EEF1E1: variants seen among roughly 807,000 people sequenced by gnomAD.
EEF1E1 encodes the protein eukaryotic translation elongation factor 1 epsilon 1.
Under a neutral mutation model 19.9 loss-of-function variants are expected in EEF1E1, and 19 were observed. The observed-to-expected ratio is 0.95, with a 90% confidence interval of 0.66 to 1.40. The LOEUF is 1.40. Ranked by LOEUF, EEF1E1 falls within the 40% of genes most tolerant of loss-of-function variation. EEF1E1 has a pLI of 0.00. For missense variants in EEF1E1, 198 were observed against 202.2 expected (o/e 0.98, Z 0.13); for synonymous variants, 81 against 80.0 (o/e 1.01, Z -0.07).
rs1487105721 is a variant in EEF1E1 at position 8,099,786 on chromosome 6, ACAC to A, written c.88-2322_88-2320del. 1.6e-3 allele frequency among the ~76,000 whole-genome samples: 211 copies of A among 132,068 alleles called. 10 individuals are homozygous for A. The highest frequency in any genetic ancestry group is 6.0e-3 in the South Asian group (24 of 4,002). The allele number at this position is 132,068 out of a possible 152,430, so 86.6% of individuals were successfully genotyped here. A position where few individuals can be genotyped will look rare whatever the true frequency, so the allele number is the denominator to read the frequency against. ...CACACACACACACACACACACACACACACACAAAAAAAAAACAGAACCCTCTAT... is the reference window on the plus strand; with the variant it reads ...CACACACACACACACACACACACACAACAAAAAAAAAACAGAACCCTCTAT... On this transcript the variant is annotated intron_variant, in intron 1 of 3. Coordinates refer to ENST00000379715, the MANE Select transcript of EEF1E1 (RefSeq NM_004280.5).
intron 3 of EEF1E1, among the ~76,000 whole-genome samples, chr6:8,085,032 C>T (rs933329102): frequency 1.3e-5 from 2 of 152,306 alleles, no homozygotes; most frequent in Non-Finnish European, 2.9e-5. Context: ...AATCAATGTA[C>T]TTCAGCTCCA....
chr6:8,084,235 G>C (rs1397877328), intron 3 of EEF1E1, among the ~76,000 whole-genome samples: 1 of 152,144 alleles, frequency 6.6e-6, no homozygotes, highest in African/African-American at 2.4e-5. Flanking sequence ...TATTATTAAT[G>C]TAACCCTAAC....
chr6:8,099,789 CACA>C (rs1202789883), intron 1 of EEF1E1, among the ~76,000 whole-genome samples: 3 of 89,518 alleles, frequency 3.4e-5, no homozygotes, highest in Non-Finnish European at 7.1e-5. Context: ...CACACACACA[CACA>C]AAAAAAAAAC....
intron 2 of EEF1E1, among the ~76,000 whole-genome samples, chr6:8,091,156 G>C (rs1024795852): frequency 3.3e-5 from 5 of 152,112 alleles, no homozygotes; most frequent in African/African-American, 1.2e-4. Context: ...ATGCACAAGG[G>C]TTACAATTTC....
At position 8,092,868 on chromosome 6, in the gene EEF1E1, G is replaced by GTTTTTTTTTTTTTTTT. The variant is rs1554099258; in HGVS notation, c.289-2588_289-2587insAAAAAAAAAAAAAAAA. Among the ~76,000 whole-genome samples, 7 of 108,134 alleles carry GTTTTTTTTTTTTTTTT rather than the reference G, an allele frequency of 6.5e-5. 2 individuals are homozygous for GTTTTTTTTTTTTTTTT. Among genetic ancestry groups the GTTTTTTTTTTTTTTTT allele is most frequent in the African/African-American group, 1.1e-4 (3 of 26,730 alleles). 70.9% of individuals were successfully genotyped at this position (108,134 alleles called of 152,430 possible). On this transcript the variant is annotated intron_variant, in intron 2 of 3. Coordinates refer to ENST00000379715, the MANE Select transcript of EEF1E1 (RefSeq NM_004280.5). ...GTTTTGTGTTTTAGTGATAAAGACT[G>GTTTTTTTTTTTTTTTT]CTTTTTTTTTTTTTTTTTTTTTTTG...
downstream of EEF1E1, among the ~76,000 whole-genome samples, chr6:8,078,305 C>T (rs1757645842): frequency 6.7e-6 from 1 of 149,934 alleles, no homozygotes; most frequent in South Asian, 2.1e-4. Context: ...GAGGGAAGCC[C>T]AAGGAAAAGG....
downstream of EEF1E1, among the ~76,000 whole-genome samples, chr6:8,076,607 G>A (rs1757597471): frequency 6.6e-6 from 1 of 151,786 alleles, no homozygotes; most frequent in African/African-American, 2.4e-5. Flanking sequence ...ACAGGCATGA[G>A]CCACCACGCC....
intron 3 of EEF1E1, among the ~76,000 whole-genome samples, chr6:8,089,799 T>TGG (rs200561996): frequency 0.011 from 1,605 of 152,162 alleles, 34 homozygotes; most frequent in African/African-American, 0.036. Context: ...GGTAGGAATA[T>TGG]GGGGCCCAGG....
At chr6:8,073,826 C>T (rs79124679) in intron 3 of EEF1E1, among the ~76,000 whole-genome samples, 4 of 152,242 alleles carry the variant, frequency 2.6e-5, no homozygotes, top group Non-Finnish European at 5.9e-5. Flanking sequence ...TCATTTGGCA[C>T]TCAGAAGGCA....
chr6:8,079,846 T>C lies in EEF1E1; in HGVS notation c.*44A>G. On this transcript the variant is annotated 3_prime_UTR_variant, in exon 4 of 4. Coordinates refer to ENST00000379715, the MANE Select transcript of EEF1E1 (RefSeq NM_004280.5). ...CCTGTGGTCTAGAGTACATTTTCCA[T>C]TTAAAACATTTTTAATAGATCTTCT... 1 of 1,585,366 alleles carries C rather than the reference T, an allele frequency of 6.3e-7. No individual in the cohort carries two copies. Among genetic ancestry groups the C allele is most frequent in the Non-Finnish European group, 8.6e-7 (1 of 1,163,630 alleles).
rs1026143495 is a variant in EEF1E1 at position 8,079,832 on chromosome 6, G to C, written c.*58C>G. ...TAATTTACATTAGTCCTGTGGTCTA[G>C]AGTACATTTTCCATTTAAAACATTT... is the stretch of plus-strand genomic sequence containing the variant. On this transcript the variant is annotated 3_prime_UTR_variant, in exon 4 of 4. Coordinates refer to ENST00000379715, the MANE Select transcript of EEF1E1 (RefSeq NM_004280.5). The C allele has an allele frequency of 6.4e-7, 1 of 1,569,710 alleles. No individual in the cohort carries two copies. Among genetic ancestry groups the C allele is most frequent in the African/African-American group, 1.4e-5 (1 of 73,940 alleles).
At chr6:8,099,640 G>A (rs1294471203) in intron 1 of EEF1E1, among the ~76,000 whole-genome samples, 1 of 151,850 alleles carries the variant, frequency 6.6e-6, no homozygotes, top group South Asian at 2.1e-4. Flanking sequence ...CCTGCTACAC[G>A]GGAGGCTGAG....
chr6:8,090,292 G>A lies in EEF1E1; in HGVS notation c.289-11C>T, dbSNP rs1374529782. 3.5e-6 allele frequency: 5 copies of A among 1,444,498 alleles called. No individual in the cohort carries two copies. The highest frequency in any genetic ancestry group is 5.6e-5 in the Admixed American group (2 of 35,898). 89.5% of individuals were successfully genotyped at this position (1,444,498 alleles called of 1,614,324 possible). On this transcript the variant is annotated splice_polypyrimidine_tract_variant and intron_variant, in intron 2 of 3. Coordinates refer to ENST00000379715, the MANE Select transcript of EEF1E1 (RefSeq NM_004280.5). Reference sequence around the variant, plus strand: ...ATATGAATTAAGATCCTAGAAAAAAGAAAAAACAAATAAATATTAATGTAA... The same window carrying A: ...ATATGAATTAAGATCCTAGAAAAAAAAAAAAACAAATAAATATTAATGTAA...
chr6:8,093,722 T>C (rs534477964), intron 2 of EEF1E1, among the ~76,000 whole-genome samples: 3 of 151,934 alleles, frequency 2.0e-5, no homozygotes, highest in Non-Finnish European at 4.4e-5. Flanking sequence ...TACATGTAAG[T>C]GAATTTTTAA....
Position 8,079,760 on chromosome 6 carries a change from A to C in EEF1E1, c.*130T>G, listed in dbSNP as rs1039990387. ...ATAAAACATTCAGACACAAGTTTAC[A>C]CTTCAAAAATTCTATCAACTTCAAC... On this transcript the variant is annotated 3_prime_UTR_variant, in exon 4 of 4. Coordinates refer to ENST00000379715, the MANE Select transcript of EEF1E1 (RefSeq NM_004280.5). 1 of 1,340,270 alleles carries C rather than the reference A, an allele frequency of 7.5e-7. No homozygotes were observed. Among genetic ancestry groups the C allele is most frequent in the African/African-American group, 1.5e-5 (1 of 68,938 alleles). 83.0% of individuals were successfully genotyped at this position (1,340,270 alleles called of 1,614,324 possible).
At chr6:8,078,722 CA>C (rs911339865), downstream of EEF1E1, 27 of 1,285,572 alleles carry the variant, frequency 2.1e-5, no homozygotes, top group Non-Finnish European at 2.4e-5. Context: ...TTCTTATAAA[CA>C]AAACAATCAT....
chr6:8,073,526 A>C, intron 3 of EEF1E1: 5 of 1,551,586 alleles, frequency 3.2e-6, no homozygotes, highest in Non-Finnish European at 4.4e-6. Flanking sequence ...AAAGGGGATA[A>C]AAAAGGAGTT....
chr6:8,093,307 T>C (rs1397995615), intron 2 of EEF1E1, among the ~76,000 whole-genome samples: 2 of 149,980 alleles, frequency 1.3e-5, no homozygotes, highest in African/African-American at 4.9e-5. Flanking sequence ...GAACTAATTA[T>C]GTCTGACATT....
downstream of EEF1E1, among the ~76,000 whole-genome samples, chr6:8,077,887 G>A (rs1031438652): frequency 6.6e-6 from 1 of 152,166 alleles, no homozygotes; most frequent in African/African-American, 2.4e-5. Flanking sequence ...AACCTCCCAG[G>A]CTCAGGTGAT....
Sources: allele counts gnomAD v4.1 joint callset (sites outside exome capture counted in the v4.1 genomes callset), GRCh38; gene constraint gnomAD v4.1.1; transcripts MANE v1.5; gene names NCBI Gene and HGNC (gene_info 2026-07-23, HGNC 2026-07-21).